ARL15: variants seen among roughly 807,000 people sequenced by gnomAD.
ARL15 encodes the protein ADP-ribosylation factor-like protein 15.
ARL15 carries 19 observed loss-of-function variants against 25.2 expected under a neutral mutation model. The ratio of observed to expected loss-of-function variants is 0.75; its 90% CI spans 0.53 to 1.10. The LOEUF is 1.10. Among genes scored for constraint, ARL15 ranks in the 50% least tolerant of loss-of-function variants. The pLI, the probability that ARL15 is intolerant of heterozygous loss-of-function variation, is 0.00. For synonymous variants in ARL15, 94 were observed against 86.8 expected (o/e 1.08, Z -0.46); for missense variants, 220 against 246.0 (o/e 0.89, Z 0.71).
intron 4 of ARL15, among the ~76,000 whole-genome samples, chr5:54,056,018 T>C (rs1055453828): frequency 6.6e-6 from 1 of 152,208 alleles, no homozygotes; most frequent in Admixed American, 6.5e-5. Flanking sequence ...GAGTAAGTTT[T>C]CCCACATTTG....
chr5:54,148,447 T>C (rs1011705975), intron 3 of ARL15, among the ~76,000 whole-genome samples: 1 of 152,216 alleles, frequency 6.6e-6, no homozygotes, highest in Non-Finnish European at 1.5e-5. Flanking sequence ...CACTATTGCA[T>C]GGGCCGAAGC....
chr5:54,051,157 G>A (rs1354189220), intron 4 of ARL15, among the ~76,000 whole-genome samples: 2 of 152,256 alleles, frequency 1.3e-5, no homozygotes, highest in South Asian at 4.1e-4. Context: ...CTCCTTTGTG[G>A]CACATGCGTC....
chr5:54,243,253 C>T (rs1181644148), intron 1 of ARL15, among the ~76,000 whole-genome samples: 1 of 152,092 alleles, frequency 6.6e-6, no homozygotes, highest in African/African-American at 2.4e-5. Context: ...AAATATGCAC[C>T]AAAGAATTCC....
At chr5:54,162,517 T>G (rs1055520155) in intron 2 of ARL15, among the ~76,000 whole-genome samples, 1 of 152,156 alleles carries the variant, frequency 6.6e-6, no homozygotes, top group Non-Finnish European at 1.5e-5. Context: ...TTAGAACACT[T>G]CATCATAGCC....
chr5:53,913,243 C>T (rs1328611042), intron 4 of ARL15, among the ~76,000 whole-genome samples: 1 of 152,166 alleles, frequency 6.6e-6, no homozygotes, highest in African/African-American at 2.4e-5. Context: ...GGCAGGGTTG[C>T]AGTGAGCCAA....
At chr5:53,898,482 G>T (rs10054483) in intron 4 of ARL15, among the ~76,000 whole-genome samples, 3 of 151,820 alleles carry the variant, frequency 2.0e-5, no homozygotes, top group Non-Finnish European at 2.9e-5. Context: ...ACTTGTTATA[G>T]GTCTAATTTT....
intron 4 of ARL15, among the ~76,000 whole-genome samples, chr5:53,973,960 G>C (rs1005716717): frequency 6.6e-6 from 1 of 151,406 alleles, no homozygotes. Flanking sequence ...TTTGAGTAAG[G>C]CCCTGTCATT....
chr5:54,242,187 A>ACT (rs1391205292), intron 1 of ARL15, among the ~76,000 whole-genome samples: 1 of 152,024 alleles, frequency 6.6e-6, no homozygotes. Context: ...ACACACACAC[A>ACT]ATTAAGTTAT....
intron 4 of ARL15, among the ~76,000 whole-genome samples, chr5:53,916,437 C>A (rs1019459985): frequency 2.7e-5 from 1 of 36,872 alleles, no homozygotes; most frequent in Non-Finnish European, 8.0e-5. Context: ...GATTTGTACA[C>A]CAAACCCCAG....
chr5:54,277,800 T>C (rs900258998), intron 1 of ARL15, among the ~76,000 whole-genome samples: 2 of 152,170 alleles, frequency 1.3e-5, no homozygotes. Flanking sequence ...AAAGAAGAAT[T>C]TAAAGAGTTT....
intron 1 of ARL15, among the ~76,000 whole-genome samples, chr5:54,307,505 C>G (rs1023004891): frequency 6.6e-6 from 1 of 152,152 alleles, no homozygotes; most frequent in Non-Finnish European, 1.5e-5. Context: ...ATCAATAAAA[C>G]CCTGTCTTAA....
chr5:53,988,855 G>C (rs1246503665), intron 4 of ARL15, among the ~76,000 whole-genome samples: 1 of 152,170 alleles, frequency 6.6e-6, no homozygotes, highest in Non-Finnish European at 1.5e-5. Flanking sequence ...CTTTGGGGAG[G>C]AGTGGTGAAT....
At chr5:54,185,665 T>C (rs1755215551) in intron 1 of ARL15, among the ~76,000 whole-genome samples, 2 of 152,116 alleles carry the variant, frequency 1.3e-5, no homozygotes, top group African/African-American at 4.8e-5. Context: ...ATCTAGAAAA[T>C]AGGGATCATC....
rs139781918 is a variant in ARL15, at chr5:54,201,371, T to C, written c.49-29443A>G. ...GAGTCTGAGATATGAATAAGATTCT[T>C]TCCTTGGTCAAACTTCAGTTAGGCT... On this transcript the variant is annotated intron_variant, in intron 1 of 4. Transcript: ENST00000504924. Among the ~76,000 whole-genome samples the C allele has an allele frequency of 1.7e-3, 264 of 152,254 alleles. 1 individual carries two copies. Among genetic ancestry groups the C allele is most frequent in the African/African-American group, 6.2e-3 (256 of 41,560 alleles).
At chr5:54,013,130 A>G (rs1443235645) in intron 4 of ARL15, among the ~76,000 whole-genome samples, 3 of 152,152 alleles carry the variant, frequency 2.0e-5, no homozygotes, top group Non-Finnish European at 4.4e-5. Flanking sequence ...CTTTTATTCA[A>G]TTTTAAGACA....
At position 54,160,900 on chromosome 5, in the gene ARL15, T is replaced by C. The variant is rs142942469; in HGVS notation, c.194-6261A>G. Among the ~76,000 whole-genome samples, 115 of 152,244 alleles carry C rather than the reference T, an allele frequency of 7.6e-4. No homozygotes were observed. The East Asian group carries it at 0.021, about 27-fold the overall frequency. ...CGAATGTTCAAAACTCTTCAATAAA[T>C]ATTGCATTTTTAATTGGCTTTATAT... On this transcript the variant is annotated intron_variant, in intron 2 of 4. Transcript: ENST00000504924.
chr5:54,296,757 G>T (rs1017950694), intron 1 of ARL15, among the ~76,000 whole-genome samples: 3 of 152,246 alleles, frequency 2.0e-5, no homozygotes, highest in African/African-American at 7.2e-5. Flanking sequence ...CTTCTGTGCA[G>T]TGTCTAACAG....
chr5:54,301,067 G>A (rs1458702669), intron 1 of ARL15, among the ~76,000 whole-genome samples: 1 of 152,220 alleles, frequency 6.6e-6, no homozygotes, highest in Non-Finnish European at 1.5e-5. Flanking sequence ...TGTTGCAGAT[G>A]TTAAAAGACT....
At chr5:53,897,055 C>T (rs1271576415) in intron 4 of ARL15, among the ~76,000 whole-genome samples, 2 of 152,156 alleles carry the variant, frequency 1.3e-5, no homozygotes, top group Admixed American at 1.3e-4. Context: ...TACTATCTTT[C>T]CATCTTGCTC....
Sources: allele counts gnomAD v4.1 joint callset (sites outside exome capture counted in the v4.1 genomes callset), GRCh38; gene constraint gnomAD v4.1.1; transcripts MANE v1.5; gene names NCBI Gene and HGNC (gene_info 2026-07-23, HGNC 2026-07-21).